PIWIL2: variants seen among roughly 807,000 people sequenced by gnomAD.
PIWIL2 encodes the protein piwi-like protein 2.
In PIWIL2, 81 loss-of-function variants were observed where a neutral mutation model predicts 116.5. That is an observed-to-expected ratio of 0.70 (90% CI 0.58 to 0.84). The LOEUF (loss-of-function observed/expected upper bound fraction) is 0.84. Among genes scored for constraint, PIWIL2 ranks in the 40% least tolerant of loss-of-function variants. PIWIL2 has a pLI of 0.00. For missense variants in PIWIL2, 1,272 were observed against 1,212.3 expected, an observed-to-expected ratio of 1.05 and a Z score of -0.73; for synonymous variants, 489 against 429.5, an observed-to-expected ratio of 1.14 and a Z score of -1.71.
chr8:22,286,911 C>T (rs1446758551), intron 6 of PIWIL2, among the ~76,000 whole-genome samples: 5 of 151,894 alleles, frequency 3.3e-5, no homozygotes, highest in African/African-American at 7.2e-5. Flanking sequence ...CATGAGCCAC[C>T]GAGCCAGGGC....
intron 13 of PIWIL2, 90 bp downstream of exon 13, chr8:22,306,106 A>G (rs76050285): frequency 0.06 from 51,028 of 855,540 alleles, 1,934 homozygotes; most frequent in Admixed American, 0.11. Context: ...CCACGTTCCA[A>G]CTCTGATGTT....
At chr8:22,307,157 C>T (rs947100961) in intron 13 of PIWIL2, among the ~76,000 whole-genome samples, 18 of 152,164 alleles carry the variant, frequency 1.2e-4, no homozygotes, top group Admixed American at 3.3e-4. Flanking sequence ...GCATTTTTTA[C>T]ACATTTTTTC....
At chr8:22,327,470 C>T (rs1217185561) in intron 20 of PIWIL2, among the ~76,000 whole-genome samples, 1 of 150,406 alleles carries the variant, frequency 6.6e-6, no homozygotes, top group Non-Finnish European at 1.5e-5. Flanking sequence ...CGGGTTGAAG[C>T]GATTCTCCTG....
chr8:22,307,729 C>A (rs1831220959), intron 13 of PIWIL2, among the ~76,000 whole-genome samples: 1 of 152,042 alleles, frequency 6.6e-6, no homozygotes, highest in African/African-American at 2.4e-5. Context: ...TCAAGCGATC[C>A]ACCCACCTCA....
At chr8:22,327,399 C>G (rs1831751138) in intron 20 of PIWIL2, among the ~76,000 whole-genome samples, 1 of 142,946 alleles carries the variant, frequency 7.0e-6, no homozygotes, top group Admixed American at 7.1e-5. Flanking sequence ...CGGAGTTTCA[C>G]TCTTGTTGCC....
In PIWIL2 at chr8:22,294,719, A is replaced by G. The variant is rs76917982; in HGVS notation, c.1181+4373A>G. Among the ~76,000 whole-genome samples the G allele has an allele frequency of 3.2e-4, 48 of 151,082 alleles. No individual in the cohort carries two copies. The East Asian group carries it at 6.8e-3, about 21-fold the overall frequency. On this transcript the variant is annotated intron_variant, in intron 10 of 22. Transcript: ENST00000356766. ...GGTCATTGACTAGGGAGACTGTTCA[A>G]TGAGTCCTATTGAAAAATATGGCAT...
At chr8:22,331,810 A>T (rs754432008) in intron 20 of PIWIL2, among the ~76,000 whole-genome samples, 2 of 152,052 alleles carry the variant, frequency 1.3e-5, no homozygotes, top group Non-Finnish European at 2.9e-5. Context: ...TTATGAGGAC[A>T]TCAGTCATAT....
chr8:22,324,386 T>C (rs1038801999), intron 20 of PIWIL2, among the ~76,000 whole-genome samples: 6 of 152,120 alleles, frequency 3.9e-5, no homozygotes, highest in Non-Finnish European at 1.5e-5. Context: ...GGACATTAAG[T>C]TTGGCCACTG....
At chr8:22,284,468 C>T (rs545933810) in intron 6 of PIWIL2, among the ~76,000 whole-genome samples, 196 bp downstream of exon 6, 6 of 152,202 alleles carry the variant, frequency 3.9e-5, no homozygotes, top group South Asian at 2.1e-4. Context: ...TTACCAATCT[C>T]GATTTTAACT....
intron 10 of PIWIL2, among the ~76,000 whole-genome samples, chr8:22,294,385 T>C (rs964186019): frequency 2.1e-5 from 3 of 144,350 alleles, no homozygotes; most frequent in African/African-American, 7.7e-5. Context: ...CTCACGCCTG[T>C]AATCCCAACA....
At chr8:22,290,379 C>A in intron 10 of PIWIL2, 33 bp downstream of exon 10, 1 of 1,261,724 alleles carries the variant, frequency 7.9e-7, no homozygotes, top group Non-Finnish European at 1.2e-6. Flanking sequence ...CTTTAACATG[C>A]TGATGATTTT....
chr8:22,285,529 A>C (rs1377376988), intron 6 of PIWIL2, among the ~76,000 whole-genome samples: 1 of 152,220 alleles, frequency 6.6e-6, no homozygotes, highest in African/African-American at 2.4e-5. Context: ...ATGGGAGTGC[A>C]CATATATCTC....
At chr8:22,325,466 A>G (rs1586580878) in intron 20 of PIWIL2, among the ~76,000 whole-genome samples, 1 of 139,740 alleles carries the variant, frequency 7.2e-6, no homozygotes, top group African/African-American at 2.6e-5. Flanking sequence ...ATGATGCATT[A>G]TCTTTTGATT....
rs924517471 is a variant in PIWIL2 at position 22,356,616 on chromosome 8, C to A, written c.*1111C>A. 2 of 152,080 alleles carry A rather than the reference C, an allele frequency of 1.3e-5. No individual in the cohort carries two copies. Among genetic ancestry groups the A allele is most frequent in the African/African-American group, 4.8e-5 (2 of 41,390 alleles). 9.4% of individuals were successfully genotyped at this position (152,080 alleles called of 1,614,324 possible). On this transcript the variant is annotated 3_prime_UTR_variant, in exon 23 of 23. Transcript: ENST00000356766. ...TGGGAGTTTTTAGTGAACTTTTCTCCCAGGTGTGTGGCCTTTATTTCTATT... is the reference window on the plus strand; with the variant it reads ...TGGGAGTTTTTAGTGAACTTTTCTCACAGGTGTGTGGCCTTTATTTCTATT...
rs1056630626 is a variant in PIWIL2, at chr8:22,356,860, T to G, written c.*1355T>G. ...AAACCCGTTTTTTTCTGGTTTTTTT[T>G]CCCCCCTCTCCATTTTAGAATCTTC... On this transcript the variant is annotated 3_prime_UTR_variant, in exon 23 of 23. Coordinates refer to ENST00000356766, the MANE Select transcript of PIWIL2 (RefSeq NM_018068.5). The G allele has an allele frequency of 6.6e-6, 1 of 152,146 alleles. No homozygotes were observed. The highest frequency in any genetic ancestry group is 2.4e-5 in the African/African-American group (1 of 41,430). 9.4% of individuals were successfully genotyped at this position (152,146 alleles called of 1,614,324 possible).
chr8:22,324,601 C>CT (rs1831680512), intron 20 of PIWIL2, among the ~76,000 whole-genome samples: 1 of 152,210 alleles, frequency 6.6e-6, no homozygotes, highest in Non-Finnish European at 1.5e-5. Context: ...CTTAGGAACT[C>CT]TAACATGAAG....
intron 4 of PIWIL2, among the ~76,000 whole-genome samples, chr8:22,282,675 C>T (rs1830538076): frequency 6.6e-6 from 1 of 152,002 alleles, no homozygotes; most frequent in South Asian, 2.1e-4. Context: ...ACTGCAGCCT[C>T]GACCTCCCAG....
Position 22,322,783 on chromosome 8 carries a change from C to T in PIWIL2, c.2403+4508C>T, listed in dbSNP as rs1210459093. ...CTCGAACTCCTGACCTTAAGTGATC[C>T]GCCTGCCTTGGCCTCCCAAAGTGCC... On this transcript the variant is annotated intron_variant, in intron 20 of 22. Transcript: ENST00000356766. Among the ~76,000 whole-genome samples, 4 of 151,686 alleles carry T rather than the reference C, an allele frequency of 2.6e-5. 1 individual carries two copies. Among genetic ancestry groups the T allele is most frequent in the African/African-American group, 4.8e-5 (2 of 41,310 alleles).
chr8:22,347,849 C>G (rs570341432), intron 20 of PIWIL2, among the ~76,000 whole-genome samples: 2 of 152,004 alleles, frequency 1.3e-5, no homozygotes, highest in African/African-American at 4.8e-5. Context: ...ATGCCTTTTC[C>G]TGATACATTT....
Sources: gnomAD v4.1 joint callset for allele counts (sites outside exome capture counted in the v4.1 genomes callset) on GRCh38, gnomAD v4.1.1 for gene constraint, MANE v1.5 for transcripts, NCBI Gene and HGNC (gene_info 2026-07-23, HGNC 2026-07-21) for gene names.